Variants in MARCHF1 observed in about 807,000 individuals in gnomAD.
MARCHF1 encodes the protein E3 ubiquitin-protein ligase MARCHF1.
In MARCHF1, 40 loss-of-function variants were observed where a neutral mutation model predicts 54.2. The observed-to-expected ratio is 0.74, with a 90% CI of 0.57 to 0.96. The LOEUF (loss-of-function observed/expected upper bound fraction) is 0.96, where lower values mean the gene tolerates loss of function less well. Among genes scored for constraint, MARCHF1 ranks in the 40% least tolerant of loss-of-function variants. The pLI, the probability that MARCHF1 is intolerant of heterozygous loss-of-function variation, is 0.00. For missense variants in MARCHF1, 586 were observed against 656.5 expected (o/e 0.89, Z 1.17); for synonymous variants, 236 against 236.3 (o/e 1.00, Z 0.01).
At chr4:164,260,212 G>A (rs113416489) in intron 1 of MARCHF1, among the ~76,000 whole-genome samples, 2,730 of 152,086 alleles carry the variant, frequency 0.018, 79 homozygotes, top group African/African-American at 0.062. Flanking sequence ...GTAAACACAT[G>A]CATCACTACT....
chr4:163,835,146 T>C (rs774098905), intron 4 of MARCHF1, among the ~76,000 whole-genome samples: 1 of 152,152 alleles, frequency 6.6e-6, no homozygotes, highest in Non-Finnish European at 1.5e-5. Context: ...TCTCCCAAAG[T>C]GCTGAGATAA....
intron 8 of MARCHF1, among the ~76,000 whole-genome samples, chr4:163,571,947 G>A (rs1440786376): frequency 2.0e-5 from 3 of 152,084 alleles, no homozygotes; most frequent in Admixed American, 6.6e-5. Context: ...TAAGTGTAGC[G>A]AAGGTACTTA....
chr4:164,081,232 A>AAAAAAAAAAAC (rs1755094593), intron 2 of MARCHF1, among the ~76,000 whole-genome samples: 1 of 143,536 alleles, frequency 7.0e-6, no homozygotes, highest in African/African-American at 2.7e-5. Flanking sequence ...AAAAAAAAAA[A>AAAAAAAAAAAC]AAAAAGAAAT....
At chr4:163,665,551 ACAGT>A (rs1273775668) in intron 5 of MARCHF1, among the ~76,000 whole-genome samples, 8 of 152,168 alleles carry the variant, frequency 5.3e-5, no homozygotes, top group Non-Finnish European at 1.2e-4. Context: ...ATATGTGATA[ACAGT>A]CAGTGTTCGT....
chr4:163,718,369 C>T (rs928127521), intron 4 of MARCHF1, among the ~76,000 whole-genome samples: 1 of 152,128 alleles, frequency 6.6e-6, no homozygotes, highest in Admixed American at 6.6e-5. Flanking sequence ...AACAGGCAAC[C>T]TACAGAATGG....
At chr4:164,160,357 G>A (rs891367509) in intron 1 of MARCHF1, among the ~76,000 whole-genome samples, 3 of 151,992 alleles carry the variant, frequency 2.0e-5, no homozygotes, top group African/African-American at 4.8e-5. Flanking sequence ...AATGCTATAG[G>A]CAACTGGAAC....
chr4:164,064,020 G>T (rs185513556), intron 2 of MARCHF1, among the ~76,000 whole-genome samples: 1 of 152,214 alleles, frequency 6.6e-6, no homozygotes, highest in East Asian at 1.9e-4. Flanking sequence ...ATTGGTCTGT[G>T]TGTCTGCTCT....
intron 1 of MARCHF1, among the ~76,000 whole-genome samples, chr4:164,275,681 A>G (rs1301005017): frequency 6.9e-6 from 1 of 145,570 alleles, no homozygotes; most frequent in East Asian, 2.1e-4. Context: ...TGTATAAGAG[A>G]TGTAGATTTC....
intron 4 of MARCHF1, among the ~76,000 whole-genome samples, chr4:163,835,872 GT>G (rs35819374): frequency 0.98 from 148,600 of 152,160 alleles, 72,641 homozygotes; most frequent in Middle Eastern, 1. Flanking sequence ...GAAATAGATT[GT>G]TTTTTTCTTT....
At chr4:163,637,014 C>A (rs143948187) in intron 5 of MARCHF1, among the ~76,000 whole-genome samples, 46,970 of 149,704 alleles carry the variant, frequency 0.31, 8,104 homozygotes, top group Non-Finnish European at 0.4. Flanking sequence ...CCTATTTAAT[C>A]AATGGTGCTG....
At chr4:164,185,724 T>G (rs1185774418) in intron 1 of MARCHF1, among the ~76,000 whole-genome samples, 1 of 152,012 alleles carries the variant, frequency 6.6e-6, no homozygotes, top group African/African-American at 2.4e-5. Flanking sequence ...CAAAATAAAT[T>G]ACTTATTTTC....
chr4:164,365,091 C>A (rs924909), intron 1 of MARCHF1, among the ~76,000 whole-genome samples: 1 of 151,656 alleles, frequency 6.6e-6, no homozygotes, highest in Non-Finnish European at 1.5e-5. Flanking sequence ...ACTATGTCTT[C>A]ATCATTCCCT....
chr4:164,082,983 C>T (rs1755129904), intron 2 of MARCHF1, among the ~76,000 whole-genome samples: 1 of 152,018 alleles, frequency 6.6e-6, no homozygotes, highest in Non-Finnish European at 1.5e-5. Context: ...AATTTTTTTT[C>T]TTCTAAATTA....
At chr4:164,225,599 A>C (rs1291318297) in intron 1 of MARCHF1, among the ~76,000 whole-genome samples, 1 of 151,930 alleles carries the variant, frequency 6.6e-6, no homozygotes, top group Non-Finnish European at 1.5e-5. Context: ...TGAATAACTC[A>C]CTTTTTGTGA....
chr4:164,007,646 C>CTCTGTG lies in MARCHF1; in HGVS notation c.-247-18938_-247-18937insCACAGA, dbSNP rs1484621420. Among the ~76,000 whole-genome samples, 10 of 140,014 alleles carry CTCTGTG rather than the reference C, an allele frequency of 7.1e-5. No homozygotes were observed. In the East Asian group the frequency reaches 1.4e-3, roughly 20 times the overall value. The allele number at this position is 140,014 out of a possible 152,430, so 91.9% of individuals were successfully genotyped here. ...AGAATTTATTTCTCTCTCTCTCTCTCTGTGTGTGTGTGTGTGTGTGTGTGT... is the reference window on the plus strand; with the variant it reads ...AGAATTTATTTCTCTCTCTCTCTCTCTCTGTGTGTGTGTGTGTGTGTGTGTGTGTGT... On this transcript the variant is annotated intron_variant, in intron 2 of 9. Coordinates refer to ENST00000514618, the MANE Select transcript of MARCHF1 (RefSeq NM_001394959.1).
At chr4:163,986,736 A>G (rs138340573) in intron 3 of MARCHF1, among the ~76,000 whole-genome samples, 308 of 152,334 alleles carry the variant, frequency 2.0e-3, no homozygotes, top group Non-Finnish European at 3.5e-3. Flanking sequence ...GGCTAATTTT[A>G]CTTAACAAAG....
chr4:164,154,761 C>G (rs1369607955), intron 1 of MARCHF1, among the ~76,000 whole-genome samples: 1 of 152,232 alleles, frequency 6.6e-6, no homozygotes, highest in Non-Finnish European at 1.5e-5. Flanking sequence ...GGTTAACCAG[C>G]TCAGTGGACC....
intron 3 of MARCHF1, among the ~76,000 whole-genome samples, chr4:163,863,224 A>G (rs564582136): frequency 6.6e-6 from 1 of 152,176 alleles, no homozygotes; most frequent in South Asian, 2.1e-4. Context: ...TACAATCTAC[A>G]TATATTATGA....
intron 2 of MARCHF1, among the ~76,000 whole-genome samples, chr4:163,991,055 A>C (rs1752958810): frequency 6.6e-6 from 1 of 152,124 alleles, no homozygotes; most frequent in African/African-American, 2.4e-5. Context: ...TTTTGAGTTA[A>C]TTTGATTTAT....
Sources: allele counts gnomAD v4.1 joint callset (sites outside exome capture counted in the v4.1 genomes callset), GRCh38; gene constraint gnomAD v4.1.1; transcripts MANE v1.5; gene names NCBI Gene and HGNC (gene_info 2026-07-23, HGNC 2026-07-21).